Variants in DBR1 observed in about 807,000 individuals in gnomAD.
DBR1 encodes debranching RNA lariats 1, also known as lariat debranching enzyme.
DBR1 carries 33 observed loss-of-function variants against 45.9 expected under a neutral mutation model. The observed-to-expected ratio is 0.72, with a 90% CI of 0.55 to 0.96. The LOEUF is 0.96. Among genes scored for constraint, DBR1 ranks in the 40% least tolerant of loss-of-function variants. The pLI is 0.00. For missense variants in DBR1, 619 were observed against 667.4 expected (o/e 0.93, Z 0.80); for synonymous variants, 235 against 235.9 (o/e 1.00, Z 0.04).
At chr3:138,163,518 G>A in intron 6 of DBR1, 24 bp from the exon 7 acceptor site, 1 of 1,443,012 alleles carries the variant, frequency 6.9e-7, no homozygotes, top group Non-Finnish European at 9.5e-7. Flanking sequence ...TCAATGTTAA[G>A]AAATACATAT....
chr3:138,173,645 G>A lies in DBR1; in HGVS notation c.198-19C>T, dbSNP rs2042965268. The A allele has an allele frequency of 6.2e-7, 1 of 1,600,804 alleles. No individual in the cohort carries two copies. Among genetic ancestry groups the A allele is most frequent in the African/African-American group, 1.3e-5 (1 of 74,268 alleles). ...GTAATACCTAGAACATAAGAGCAAA[G>A]TCAGTTACCACAATTAGGCATAGCA... On this transcript the variant is annotated intron_variant, in intron 1 of 7. Coordinates refer to ENST00000260803, the MANE Select transcript of DBR1 (RefSeq NM_016216.4).
intron 1 of DBR1, 76 bp downstream of exon 1, chr3:138,174,523 G>C: frequency 2.1e-6 from 3 of 1,431,168 alleles, no homozygotes; most frequent in South Asian, 2.6e-5. Flanking sequence ...GGATCTAAGG[G>C]AAACAGGCAG....
chr3:138,163,550 C>T, intron 6 of DBR1, 56 bp from the exon 7 acceptor site: 1 of 953,464 alleles, frequency 1.0e-6, no homozygotes, highest in Non-Finnish European at 1.5e-6. Context: ...AGTCTAATCA[C>T]TTTAATATAA....
Position 138,164,030 on chromosome 3 carries a change from TAAAAG to T in DBR1, c.715-177_715-173del, listed in dbSNP as rs555237675. 445 of 449,426 alleles carry T rather than the reference TAAAAG, an allele frequency of 9.9e-4. 2 individuals are homozygous for T. The highest frequency in any genetic ancestry group is 8.0e-3 in the African/African-American group (399 of 50,164). 27.8% of individuals were successfully genotyped at this position (449,426 alleles called of 1,614,324 possible). On this transcript the variant is annotated intron_variant, in intron 5 of 7. Coordinates refer to ENST00000260803, the MANE Select transcript of DBR1 (RefSeq NM_016216.4). The stretch of plus-strand genomic sequence containing the variant: ...GTTAATTCTATACCCACTTGTGTGA[TAAAAG>T]AGAAGGCATTTAACTTCTCAGACCT...
chr3:138,174,614 A>C lies in DBR1; in HGVS notation c.182T>G (p.Met61Arg). Residue 61 changes from methionine to arginine, a missense_variant, in exon 1 of 8, where the codon ATG (methionine) becomes AGG (arginine). By Grantham distance (91) the Met-to-Arg change is moderately conservative. Transcript: ENST00000260803. The stretch of plus-strand genomic sequence containing the variant: ...GCGTCCTCACCTGTAGAAGGTTTGC[A>C]TGTGACGATACTTGGGCGGCACGGC... ...CMAVPPKYRH[M>R]QTFYRYYSGE... is the part of the protein sequence containing the mutation. 6.4e-7 allele frequency: 1 copy of C among 1,565,124 alleles called. No individual in the cohort carries two copies. Among genetic ancestry groups the C allele is most frequent in the Non-Finnish European group, 8.7e-7 (1 of 1,151,008 alleles).
At chr3:138,169,940 GA>G (rs371947379) in intron 4 of DBR1, among the ~76,000 whole-genome samples, 166 bp downstream of exon 4, 2,367 of 141,816 alleles carry the variant, frequency 0.017, 62 homozygotes, top group African/African-American at 0.057. Context: ...CTCAAAAAAA[GA>G]AAAAAAAAAG....
At chr3:138,167,903 T>C (rs532561706) in intron 4 of DBR1, among the ~76,000 whole-genome samples, 2 of 151,880 alleles carry the variant, frequency 1.3e-5, no homozygotes, top group Non-Finnish European at 2.9e-5. Context: ...GCCGAGATCA[T>C]GCAATTGCAC....
At chr3:138,168,338 G>A (rs1221452686) in intron 4 of DBR1, among the ~76,000 whole-genome samples, 1 of 151,742 alleles carries the variant, frequency 6.6e-6, no homozygotes, top group Non-Finnish European at 1.5e-5. Context: ...GGCCAACATG[G>A]TGAAACCCCA....
chr3:138,161,563 C>T lies in DBR1; in HGVS notation c.*326G>A, dbSNP rs184039466. The T allele has an allele frequency of 2.1e-3, 468 of 223,600 alleles. No homozygotes were observed. The highest frequency in any genetic ancestry group is 3.4e-3 in the Non-Finnish European group (377 of 111,064). The allele number at this position is 223,600 out of a possible 1,614,324, so 13.9% of individuals were successfully genotyped here. On this transcript the variant is annotated 3_prime_UTR_variant, in exon 8 of 8. Coordinates refer to ENST00000260803, the MANE Select transcript of DBR1 (RefSeq NM_016216.4). ...TATAATACTAAGACAAGTAAATTGT[C>T]GGCCAGGCACAGTGGCTCACGCCTG...
At position 138,167,225 on chromosome 3, in the gene DBR1, A is replaced by C. The variant is rs1339382410; in HGVS notation, c.570T>G (p.Leu190=). Residue 190 remains leucine, a synonymous_variant, in exon 5 of 8, where the codon CTT becomes CTG. Coordinates refer to ENST00000260803, the MANE Select transcript of DBR1 (RefSeq NM_016216.4). ...IYHYGNKKQL[L]KTKSFFRQEV... Reference sequence around the variant, plus strand: ...CTTGTCGGAAAAAAGATTTAGTCTTAAGAAGTTGCTTCTTATTTCCATAAT... The same window carrying C: ...CTTGTCGGAAAAAAGATTTAGTCTTCAGAAGTTGCTTCTTATTTCCATAAT... 1.2e-6 allele frequency: 2 copies of C among 1,614,000 alleles called. No individual in the cohort carries two copies. Among genetic ancestry groups the C allele is most frequent in the Non-Finnish European group, 1.7e-6 (2 of 1,179,966 alleles).
Position 138,173,514 on chromosome 3 carries a change from T to G in DBR1, c.310A>C (p.Ile104Leu), listed in dbSNP as rs760996461. ...CACAATCACATACCTAAATAATAAA[T>G]GTTTGGTGCCACCCAGCCACCATAG... is the stretch of plus-strand genomic sequence containing the variant. ...LPYGGWVAPNIYYLGLAGVVK... is the reference protein window; with the variant it reads ...LPYGGWVAPNLYYLGLAGVVK... Residue 104 changes from isoleucine to leucine, a missense_variant, in exon 2 of 8, where the codon ATT becomes CTT. Around this residue, in one of 3 missense-constraint regions of DBR1, gnomAD observed 430 missense variants for 447.7 expected, o/e 0.96. Transcript: ENST00000260803. 1 of 1,613,700 alleles carries G rather than the reference T, an allele frequency of 6.2e-7. No homozygotes were observed. The highest frequency in any genetic ancestry group is 1.1e-5 in the South Asian group (1 of 91,044).
intron 4 of DBR1, among the ~76,000 whole-genome samples, chr3:138,168,736 C>T (rs1441687860): frequency 6.6e-6 from 1 of 151,830 alleles, no homozygotes; most frequent in Admixed American, 6.6e-5. Context: ...GCAGAAGGAT[C>T]GCTTGAGTTC....
Position 138,167,939 on chromosome 3 carries a change from C to T in DBR1, c.490-634G>A, listed in dbSNP as rs997216544. Among the ~76,000 whole-genome samples, 20 of 151,896 alleles carry T rather than the reference C, an allele frequency of 1.3e-4. No homozygotes were observed. In the East Asian group the frequency reaches 3.5e-3, roughly 26 times the overall value. ...TCCAGCCTGGGCCACAAGAGTGAAA[C>T]TCCATCTCAAAAAGAAAAAAAAGAA... On this transcript the variant is annotated intron_variant, in intron 4 of 7. Coordinates refer to ENST00000260803, the MANE Select transcript of DBR1 (RefSeq NM_016216.4).
At chr3:138,166,615 A>G (rs981074985) in intron 5 of DBR1, among the ~76,000 whole-genome samples, 4 of 152,196 alleles carry the variant, frequency 2.6e-5, no homozygotes, top group East Asian at 1.9e-4. Flanking sequence ...GGTTAAAATC[A>G]TAACTCCAGA....
In DBR1 at chr3:138,161,865, C is replaced by T; in HGVS notation, c.*24G>A. 8 of 1,588,378 alleles carry T rather than the reference C, an allele frequency of 5.0e-6. No homozygotes were observed. The highest frequency in any genetic ancestry group is 6.9e-6 in the Non-Finnish European group (8 of 1,159,070). On this transcript the variant is annotated 3_prime_UTR_variant, in exon 8 of 8. Transcript: ENST00000260803. ...CCATCTCAAAAAAACAAAACAAACA[C>T]AAAAACAAAACAAGTAAATCATCTT...
chr3:138,161,844 C>A lies in DBR1; in HGVS notation c.*45G>T. 1 of 1,501,778 alleles carries A rather than the reference C, an allele frequency of 6.7e-7. No homozygotes were observed. The highest frequency in any genetic ancestry group is 9.2e-7 in the Non-Finnish European group (1 of 1,085,844). 93.0% of individuals were successfully genotyped at this position (1,501,778 alleles called of 1,614,324 possible). A position where few individuals can be genotyped will look rare whatever the true frequency, so the allele number is the denominator to read the frequency against. ...CTAGGTGACAAGAGTGAAACTCCAT[C>A]TCAAAAAAACAAAACAAACACAAAA... On this transcript the variant is annotated 3_prime_UTR_variant, in exon 8 of 8. Transcript: ENST00000260803.
Position 138,161,212 on chromosome 3 carries a change from G to T in DBR1, c.*677C>A, listed in dbSNP as rs2042905614. On this transcript the variant is annotated 3_prime_UTR_variant, in exon 8 of 8. Transcript: ENST00000260803. ...TATTGTATACATCAAAATGTTTACAGTGATAACAAGTCCTTGGAGGCAAAA... is the reference window on the plus strand; with the variant it reads ...TATTGTATACATCAAAATGTTTACATTGATAACAAGTCCTTGGAGGCAAAA... The T allele has an allele frequency of 6.6e-6, 1 of 152,136 alleles. No individual in the cohort carries two copies. Among genetic ancestry groups the T allele is most frequent in the African/African-American group, 2.4e-5 (1 of 41,424 alleles). The allele number at this position is 152,136 out of a possible 1,614,324, so 9.4% of individuals were successfully genotyped here. A position where few individuals can be genotyped will look rare whatever the true frequency, so the allele number is the denominator to read the frequency against.
chr3:138,168,009 G>A (rs1004402199), intron 4 of DBR1, among the ~76,000 whole-genome samples: 2 of 151,860 alleles, frequency 1.3e-5, no homozygotes, highest in Admixed American at 1.3e-4. Flanking sequence ...TAGATTTCAC[G>A]AGACCTCTAA....
At chr3:138,171,875 G>GT (rs1163742737) in intron 2 of DBR1, among the ~76,000 whole-genome samples, 162 bp from the exon 3 acceptor site, 1 of 152,144 alleles carries the variant, frequency 6.6e-6, no homozygotes, top group African/African-American at 2.4e-5. Flanking sequence ...TGCCAACAGT[G>GT]TATTAGGGAT....
Sources: allele counts gnomAD v4.1 joint callset (sites outside exome capture counted in the v4.1 genomes callset), GRCh38; gene constraint gnomAD v4.1.1; regional missense constraint gnomAD v4.1.1; transcripts MANE v1.5; gene names NCBI Gene and HGNC (gene_info 2026-07-23, HGNC 2026-07-21).